Variants in PROSER1 observed in about 807,000 individuals in gnomAD.
PROSER1 encodes proline and serine-rich protein 1.
A neutral mutation model predicts 71.8 loss-of-function variants in PROSER1; 36 were observed. The ratio of observed to expected loss-of-function variants is 0.50; its 90% CI spans 0.38 to 0.66. The LOEUF (loss-of-function observed/expected upper bound fraction) is 0.66, where lower values mean the gene tolerates loss of function less well. Ranked by LOEUF, PROSER1 falls within the 30% of genes least tolerant of loss-of-function variation. PROSER1 has a pLI of 0.00. For synonymous variants in PROSER1, 490 were observed against 452.4 expected (o/e 1.08, Z -1.06); for missense variants, 1,107 against 1,135.0 (o/e 0.98, Z 0.35).
At position 39,019,915 on chromosome 13, in the gene PROSER1, A is replaced by G. The variant is rs1870207799; in HGVS notation, c.731-2371T>C. Among the ~76,000 whole-genome samples, 4 of 152,022 alleles carry G rather than the reference A, an allele frequency of 2.6e-5. 1 individual carries two copies. The highest frequency in any genetic ancestry group is 4.4e-5 in the Non-Finnish European group (3 of 67,988). ...CTACCAAATAAAATCATAGGGGAAA[A>G]AAGTTTAAAATAAAGGTACAGGCAA... On this transcript the variant is annotated intron_variant, in intron 9 of 12. Coordinates refer to ENST00000352251, the MANE Select transcript of PROSER1 (RefSeq NM_025138.5).
At chr13:39,025,324 A>G (rs1455456447) in intron 6 of PROSER1, among the ~76,000 whole-genome samples, 1 of 152,148 alleles carries the variant, frequency 6.6e-6, no homozygotes, top group Non-Finnish European at 1.5e-5. Context: ...GCTAAATGGT[A>G]TATACTAGTG....
chr13:39,028,091 G>C (rs1870628498), intron 5 of PROSER1, 136 bp downstream of exon 5: 1 of 548,384 alleles, frequency 1.8e-6, no homozygotes, highest in Admixed American at 3.1e-5. Context: ...GCAGACCGCA[G>C]GGATGTTCAT....
At chr13:39,012,387 CCT>C (rs751519621) in intron 11 of PROSER1, 154 bp from the exon 12 acceptor site, 11 of 806,016 alleles carry the variant, frequency 1.4e-5, no homozygotes, top group South Asian at 1.7e-5. Flanking sequence ...TCAGCCATTC[CCT>C]GATATGAATC....
intron 6 of PROSER1, among the ~76,000 whole-genome samples, chr13:39,025,137 G>A (rs1447262666): frequency 6.6e-6 from 1 of 152,036 alleles, no homozygotes. Flanking sequence ...CAAAGAATAA[G>A]AGTACCTATG....
In PROSER1 at chr13:39,013,337, A is replaced by G; in HGVS notation, c.1915T>C (p.Leu639=). ...SHGTLGLSGT[L]GRAYTSTSVP... ...GATGTTGAAGTATATGCACGGCCCA[A>G]TGTCCCTGACAAACCTAAAGTGCCA... The change falls in exon 11 of 13, where the codon TTG becomes CTG. Residue 639 remains leucine, a synonymous_variant. Transcript: ENST00000352251. 1 of 1,614,232 alleles carries G rather than the reference A, an allele frequency of 6.2e-7. No individual in the cohort carries two copies. The highest frequency in any genetic ancestry group is 8.5e-7 in the Non-Finnish European group (1 of 1,180,040).
Position 39,037,573 on chromosome 13 carries a change from G to A in PROSER1, c.-331C>T, listed in dbSNP as rs570348025. On this transcript the variant is annotated 5_prime_UTR_variant, in exon 1 of 13. Transcript: ENST00000352251. ...AACCCGGGCTCGGCGGCAGGTTTGA[G>A]TGCGGTTTCCCTGCAGCTGAGGGCC... is the stretch of plus-strand genomic sequence containing the variant. The A allele has an allele frequency of 3.4e-4, 82 of 240,604 alleles. 1 individual carries two copies. The South Asian group carries it at 6.1e-3, about 18-fold the overall frequency. 14.9% of individuals were successfully genotyped at this position (240,604 alleles called of 1,614,324 possible). A position where few individuals can be genotyped will look rare whatever the true frequency, so the allele number is the denominator to read the frequency against.
chr13:39,020,848 T>C (rs968747484), intron 9 of PROSER1, among the ~76,000 whole-genome samples: 1 of 152,178 alleles, frequency 6.6e-6, no homozygotes, highest in African/African-American at 2.4e-5. Context: ...CTGAAAAAGG[T>C]TGGCCTGGCA....
intron 9 of PROSER1, among the ~76,000 whole-genome samples, chr13:39,021,788 G>A (rs1344320881): frequency 6.6e-6 from 1 of 152,116 alleles, no homozygotes; most frequent in Non-Finnish European, 1.5e-5. Context: ...TTAATTTAGT[G>A]GGGCTGATTT....
rs762870784 is a variant in PROSER1 at position 39,031,578 on chromosome 13, C to A, written c.165G>T (p.Met55Ile). ...AGTTACTTACATGCTGTAATGCTTT[C>A]ATTGCCTTCAACTGGGGCTCGGCCC... ...FSWAEPQLKA[M>I]KALQHKMVAV... is the part of the protein sequence containing the mutation. Residue 55 changes from methionine (M) to isoleucine (I), a missense_variant, in exon 3 of 13, where the codon ATG becomes ATT. Coordinates refer to ENST00000352251, the MANE Select transcript of PROSER1 (RefSeq NM_025138.5). 1 of 1,611,266 alleles carries A rather than the reference C, an allele frequency of 6.2e-7. No homozygotes were observed. The highest frequency in any genetic ancestry group is 8.5e-7 in the Non-Finnish European group (1 of 1,178,888).
Position 39,024,520 on chromosome 13 carries a change from T to G in PROSER1, c.517A>C (p.Asn173His). The change falls in exon 7 of 13, where the codon AAC (asparagine) becomes CAC (histidine). Residue 173 changes from asparagine to histidine, a missense_variant. Coordinates refer to ENST00000352251, the MANE Select transcript of PROSER1 (RefSeq NM_025138.5). Reference sequence around the variant, plus strand: ...CGTGCAGCTATTCCTTTGCCTTCGTTAGTACATTCTTCACCATCTTTTTTC... The same window carrying G: ...CGTGCAGCTATTCCTTTGCCTTCGTGAGTACATTCTTCACCATCTTTTTTC... ...PLKKDGEECT[N>H]EGKGIAARIL... 1 of 1,610,232 alleles carries G rather than the reference T, an allele frequency of 6.2e-7. No homozygotes were observed. Among genetic ancestry groups the G allele is most frequent in the Non-Finnish European group, 8.5e-7 (1 of 1,178,162 alleles).
rs771038527 is a variant in PROSER1 at position 39,012,758 on chromosome 13, G to C, written c.2494C>G (p.Pro832Ala). The C allele has an allele frequency of 8.1e-6, 13 of 1,613,470 alleles. No individual in the cohort carries two copies. The highest frequency in any genetic ancestry group is 1.1e-5 in the Non-Finnish European group (13 of 1,179,710). ...GCTGAGGCGAATCCTGGGAGGACTG[G>C]AGCTGGGGATGGGGCTGTGGCAGCC... ...PVAATAPSPAPVLPGFASAFS... is the reference protein window; with the variant it reads ...PVAATAPSPAAVLPGFASAFS... The change falls in exon 11 of 13, where the codon CCA (proline) becomes GCA (alanine). Residue 832 changes from proline to alanine, a missense_variant. Pro to Ala is a conservative substitution (Grantham distance 27). Coordinates refer to ENST00000352251, the MANE Select transcript of PROSER1 (RefSeq NM_025138.5).
intron 5 of PROSER1, 33 bp from the exon 6 acceptor site, chr13:39,026,420 A>T (rs1292434939): frequency 7.1e-7 from 1 of 1,412,092 alleles, no homozygotes; most frequent in East Asian, 2.3e-5. Context: ...GGTAGGAAAA[A>T]AATTCTTAAA....
chr13:39,013,326 T>G lies in PROSER1; in HGVS notation c.1926A>C (p.Ala642=). Residue 642 remains alanine, a synonymous_variant, in exon 11 of 13, where the codon GCA becomes GCC. Transcript: ENST00000352251. ...TGATGGGCACGGATGTTGAAGTATATGCACGGCCCAATGTCCCTGACAAAC... is the reference window on the plus strand; with the variant it reads ...TGATGGGCACGGATGTTGAAGTATAGGCACGGCCCAATGTCCCTGACAAAC... ...TLGLSGTLGR[A]YTSTSVPISL... 6.2e-7 allele frequency: 1 copy of G among 1,614,158 alleles called. No individual in the cohort carries two copies. Among genetic ancestry groups the G allele is most frequent in the East Asian group, 2.2e-5 (1 of 44,872 alleles).
chr13:39,027,594 C>A (rs924750891), intron 5 of PROSER1, among the ~76,000 whole-genome samples: 7 of 152,280 alleles, frequency 4.6e-5, no homozygotes, highest in African/African-American at 1.4e-4. Flanking sequence ...AACTCTTCTA[C>A]AACAATGTAT....
At chr13:39,019,506 A>C (rs1810688926) in intron 9 of PROSER1, among the ~76,000 whole-genome samples, 1 of 145,226 alleles carries the variant, frequency 6.9e-6, no homozygotes, top group African/African-American at 2.6e-5. Context: ...ACAAGAGCAA[A>C]ACTCTGTCTC....
intron 2 of PROSER1, 172 bp from the exon 3 acceptor site, chr13:39,031,803 T>G (rs113049999): frequency 1.7e-4 from 92 of 531,712 alleles, no homozygotes; most frequent in African/African-American, 1.6e-3. Flanking sequence ...TTATATACAT[T>G]TAAATAACTT....
chr13:39,013,296 T>C lies in PROSER1; in HGVS notation c.1956A>G (p.Leu652=), dbSNP rs1243746586. 6.2e-7 allele frequency: 1 copy of C among 1,614,148 alleles called. No homozygotes were observed. The highest frequency in any genetic ancestry group is 1.1e-5 in the South Asian group (1 of 91,082). The change falls in exon 11 of 13, where the codon TTA becomes TTG. Residue 652 remains leucine, a synonymous_variant. Transcript: ENST00000352251. ...ACAATGCAGGATTAAGGCAAGCAGA[T>C]AAACTGATGGGCACGGATGTTGAAG... ...AYTSTSVPIS[L]SACLNPALSG... is the part of the protein sequence containing the mutation.
intron 4 of PROSER1, 29 bp downstream of exon 4, chr13:39,029,247 TAAAAA>T (rs34146778): frequency 1.8e-3 from 1,356 of 740,560 alleles, no homozygotes; most frequent in Non-Finnish European, 2.0e-3. Context: ...TTTTCCCAAG[TAAAAA>T]AAAAAAAAAA....
intron 6 of PROSER1, 29 bp downstream of exon 6, chr13:39,026,248 T>G (rs1870539688): frequency 1.4e-6 from 2 of 1,411,026 alleles, no homozygotes; most frequent in Admixed American, 3.5e-5. Flanking sequence ...CATGAGAAGT[T>G]TCATATACAG....
Sources: allele counts gnomAD v4.1 joint callset (sites outside exome capture counted in the v4.1 genomes callset), GRCh38; gene constraint gnomAD v4.1.1; transcripts MANE v1.5; gene names NCBI Gene and HGNC (gene_info 2026-07-23, HGNC 2026-07-21).